The following APPL2 variants were observed in gnomAD, a reference collection of about 807,000 sequenced individuals.
The protein encoded by APPL2 is DCC-interacting protein 13-beta.
APPL2 carries 84 observed loss-of-function variants against 92.7 expected under a neutral mutation model. The observed-to-expected ratio is 0.91, with a 90% CI of 0.76 to 1.09. APPL2 has a LOEUF of 1.09. Ranked by LOEUF, APPL2 falls within the 50% of genes least tolerant of loss-of-function variation. The probability of loss-of-function intolerance (pLI) is 0.00; values close to 1 mark genes in which losing one functional copy is unlikely to be tolerated. For missense variants in APPL2, 736 were observed against 824.5 expected (o/e 0.89, Z 1.31); for synonymous variants, 291 against 291.0 (o/e 1.00, Z 0.00).
intron 6 of APPL2, 48 bp from the exon 7 acceptor site, chr12:105,208,077 G>A (rs752463799): frequency 6.2e-7 from 1 of 1,613,724 alleles, no homozygotes; most frequent in African/African-American, 1.3e-5. Flanking sequence ...AGGGTCGAAA[G>A]GGAAGAACAT....
At position 105,208,147 on chromosome 12, in the gene APPL2, A is replaced by G. The variant is rs761400732; in HGVS notation, c.415+11T>C. ...ACACACCCACACACCAGGAATGGAG[A>G]AGGTGCCTACCATTGCTAGCGAGTC... On this transcript the variant is annotated intron_variant, in intron 6 of 20. Coordinates refer to ENST00000258530, the MANE Select transcript of APPL2 (RefSeq NM_018171.5). 10 of 1,614,164 alleles carry G rather than the reference A, an allele frequency of 6.2e-6. No homozygotes were observed. The highest frequency in any genetic ancestry group is 8.5e-6 in the Non-Finnish European group (10 of 1,180,002).
At chr12:105,214,901 A>T (rs886341085) in intron 4 of APPL2, among the ~76,000 whole-genome samples, 2 of 152,206 alleles carry the variant, frequency 1.3e-5, no homozygotes, top group Non-Finnish European at 2.9e-5. Context: ...GCCAATAAAA[A>T]TACCTGAACT....
intron 9 of APPL2, chr12:105,203,485 A>G: frequency 1.9e-6 from 1 of 522,594 alleles, no homozygotes; most frequent in Non-Finnish European, 3.4e-6. Flanking sequence ...AAACTCCAAT[A>G]TTCACAACAA....
chr12:105,230,070 G>A (rs140048709), intron 1 of APPL2, among the ~76,000 whole-genome samples: 7,126 of 152,130 alleles, frequency 0.047, 567 homozygotes, highest in African/African-American at 0.16. Flanking sequence ...GTGAGCCACC[G>A]CACCTGGCCT....
rs573855703 is a variant in APPL2 at position 105,199,493 on chromosome 12, C to T, written c.743G>A (p.Arg248Gln). 9.5e-5 allele frequency: 154 copies of T among 1,613,988 alleles called. 3 individuals are homozygous for T. In the South Asian group the frequency reaches 9.8e-4, roughly 10 times the overall value. The change falls in exon 10 of 21, where the codon CGG becomes CAG. Residue 248 changes from arginine (R) to glutamine (Q), a missense_variant. Arg to Gln is a conservative substitution (Grantham distance 43, BLOSUM62 1). Coordinates refer to ENST00000258530, the MANE Select transcript of APPL2 (RefSeq NM_018171.5). Reference sequence around the variant, plus strand: ...AGAAAGTAATTCTTGCTGGGACACCCGCATCTTTTCCGCCTCGGCTTCCAG... The same window carrying T: ...AGAAAGTAATTCTTGCTGGGACACCTGCATCTTTTCCGCCTCGGCTTCCAG... The part of the protein sequence containing the change: ...VELEAEAEKM[R>Q]VSQQELLSVD...
In APPL2 at chr12:105,236,068, G is replaced by C. The variant is rs543478254; in HGVS notation, c.-56C>G. On this transcript the variant is annotated 5_prime_UTR_variant, in exon 1 of 21. Coordinates refer to ENST00000258530, the MANE Select transcript of APPL2 (RefSeq NM_018171.5). Reference sequence around the variant, plus strand: ...TGGAAGGACAGAGGGCAGGAGACGCGGCGGCCGAGAGCACTCCCCGGCTCT... The same window carrying C: ...TGGAAGGACAGAGGGCAGGAGACGCCGCGGCCGAGAGCACTCCCCGGCTCT... 5 of 1,195,984 alleles carry C rather than the reference G, an allele frequency of 4.2e-6. No homozygotes were observed. In the African/African-American group the frequency reaches 6.4e-5, roughly 15 times the overall value. 74.1% of individuals were successfully genotyped at this position (1,195,984 alleles called of 1,614,324 possible). A position where few individuals can be genotyped will look rare whatever the true frequency, so the allele number is the denominator to read the frequency against.
At chr12:105,221,279 G>A (rs1229284248) in intron 2 of APPL2, among the ~76,000 whole-genome samples, 1 of 152,184 alleles carries the variant, frequency 6.6e-6, no homozygotes, top group African/African-American at 2.4e-5. Flanking sequence ...CTAACCCTGA[G>A]TCTGCCCTAA....
rs74952164 is a variant in APPL2, at chr12:105,174,204, G to A, written c.*110C>T. On this transcript the variant is annotated 3_prime_UTR_variant, in exon 21 of 21. Transcript: ENST00000258530. ...GGCATCAAGATTACATTCCACAAAC[G>A]ATTGTCAGCCTTCGGAAATCAGGTC... is the stretch of plus-strand genomic sequence containing the variant. 3.5e-3 allele frequency: 4,718 copies of A among 1,349,292 alleles called. 245 individuals carry two copies. In the East Asian group the frequency reaches 0.099, roughly 28 times the overall value. 83.6% of individuals were successfully genotyped at this position (1,349,292 alleles called of 1,614,324 possible).
intron 14 of APPL2, among the ~76,000 whole-genome samples, chr12:105,192,692 T>C (rs1378928473): frequency 6.6e-6 from 1 of 152,204 alleles, no homozygotes; most frequent in African/African-American, 2.4e-5. Flanking sequence ...TCACCCTCCA[T>C]GACAGCACCT....
intron 20 of APPL2, among the ~76,000 whole-genome samples, 184 bp downstream of exon 20, chr12:105,175,851 T>C (rs544938223): frequency 6.6e-6 from 1 of 152,346 alleles, no homozygotes; most frequent in South Asian, 2.1e-4. Context: ...AGTCCTCATG[T>C]GTTAACAGTG....
Position 105,177,261 on chromosome 12 carries a change from A to G in APPL2, c.1636T>C (p.Leu546=), listed in dbSNP as rs761785692. 13 of 1,613,622 alleles carry G rather than the reference A, an allele frequency of 8.1e-6. No homozygotes were observed. In the Admixed American group the frequency reaches 1.0e-4, roughly 12 times the overall value. ...GATACTTGAGTCTGTGGATCTATCA[A>G]CCTGAAATTTTAAAAGATACATTAT... ...HLMVTSQSLR[L]IDPQTQVSRA... Residue 546 remains leucine, a splice_region_variant and synonymous_variant, in exon 18 of 21, where the codon TTG becomes CTG. Transcript: ENST00000258530.
At chr12:105,200,708 C>T (rs1485912391) in intron 9 of APPL2, among the ~76,000 whole-genome samples, 2 of 152,318 alleles carry the variant, frequency 1.3e-5, no homozygotes, top group East Asian at 3.9e-4. Flanking sequence ...ACACGGCAAC[C>T]ACAAGGTTAA....
chr12:105,200,864 GTATCTATCTATCTATC>G lies in APPL2; in HGVS notation c.705-1349_705-1334del, dbSNP rs202172435. The stretch of plus-strand genomic sequence containing the variant: ...TGTATGTATGTATGTATGTATGTAT[GTATCTATCTATCTATC>G]TATCTATCTATCTATCTATCTATCC... On this transcript the variant is annotated intron_variant, in intron 9 of 20. Coordinates refer to ENST00000258530, the MANE Select transcript of APPL2 (RefSeq NM_018171.5). 5.9e-3 allele frequency among the ~76,000 whole-genome samples: 796 copies of G among 135,042 alleles called. 7 individuals carry two copies. Among genetic ancestry groups the G allele is most frequent in the African/African-American group, 0.02 (726 of 35,762 alleles). 88.6% of individuals were successfully genotyped at this position (135,042 alleles called of 152,430 possible). A position where few individuals can be genotyped will look rare whatever the true frequency, so the allele number is the denominator to read the frequency against.
At chr12:105,210,781 C>T (rs376126337) in intron 5 of APPL2, among the ~76,000 whole-genome samples, 50 of 109,494 alleles carry the variant, frequency 4.6e-4, no homozygotes, top group Middle Eastern at 9.5e-3. Flanking sequence ...GTTCCTATCC[C>T]GTCTTCCCCT....
At chr12:105,186,631 T>TATATATCG (rs368764204) in intron 17 of APPL2, among the ~76,000 whole-genome samples, 10 of 121,772 alleles carry the variant, frequency 8.2e-5, no homozygotes, top group Non-Finnish European at 1.1e-4. Flanking sequence ...ATATATCATA[T>TATATATCG]ATATCATATA....
chr12:105,235,794 G>GC (rs1555260305), intron 1 of APPL2, among the ~76,000 whole-genome samples, 165 bp downstream of exon 1: 2 of 152,030 alleles, frequency 1.3e-5, no homozygotes, highest in African/African-American at 4.8e-5. Flanking sequence ...TCAGGGCCCG[G>GC]CCCGCCCCCT....
In APPL2 at chr12:105,195,343, C is replaced by T. The variant is rs765483373; in HGVS notation, c.1159G>A (p.Ala387Thr). Reference sequence around the variant, plus strand: ...AGAGCGGTCTGATTCAACTTGATCGCGACTGCCTAAAAATCCACAGGAAGA... The same window carrying T: ...AGAGCGGTCTGATTCAACTTGATCGTGACTGCCTAAAAATCCACAGGAAGA... Reference protein sequence around the residue: ...IYLTDNPEAVAIKLNQTALQA... With the variant: ...IYLTDNPEAVTIKLNQTALQA... Residue 387 changes from alanine to threonine, a missense_variant, in exon 14 of 21, where the codon GCG becomes ACG. Transcript: ENST00000258530. 8 of 1,614,122 alleles carry T rather than the reference C, an allele frequency of 5.0e-6. No homozygotes were observed. The highest frequency in any genetic ancestry group is 1.1e-5 in the South Asian group (1 of 91,086).
chr12:105,227,794 CA>C (rs893140846), intron 2 of APPL2, among the ~76,000 whole-genome samples: 3 of 152,182 alleles, frequency 2.0e-5, no homozygotes, highest in Non-Finnish European at 4.4e-5. Context: ...TTAAGTCTCC[CA>C]ACCAATACCA....
At chr12:105,231,435 T>C (rs1890911849) in intron 1 of APPL2, among the ~76,000 whole-genome samples, 2 of 152,360 alleles carry the variant, frequency 1.3e-5, no homozygotes, top group South Asian at 2.1e-4. Flanking sequence ...TTAATTCTTC[T>C]AGCAACTCTC....
Sources: allele counts gnomAD v4.1 joint callset (sites outside exome capture counted in the v4.1 genomes callset), GRCh38; gene constraint gnomAD v4.1.1; transcripts MANE v1.5; gene names NCBI Gene and HGNC (gene_info 2026-07-23, HGNC 2026-07-21).